The following MPDZ variants were observed in gnomAD, a reference collection of about 807,000 sequenced individuals.
The protein encoded by MPDZ is multiple PDZ domain protein.
MPDZ carries 234 observed loss-of-function variants against 239.1 expected under a neutral mutation model. The observed-to-expected ratio is 0.98, with a 90% CI of 0.88 to 1.09. MPDZ has a LOEUF of 1.09. Ranked by LOEUF, MPDZ falls within the 50% of genes least tolerant of loss-of-function variation. The pLI is 0.00. For missense variants in MPDZ, 3,175 were observed against 2,510.0 expected (o/e 1.26, Z -5.66); for synonymous variants, 1,048 against 881.3 (o/e 1.19, Z -3.35).
At chr9:13,233,423 G>A (rs1394315913) in intron 3 of MPDZ, among the ~76,000 whole-genome samples, 1 of 152,074 alleles carries the variant, frequency 6.6e-6, no homozygotes, top group Non-Finnish European at 1.5e-5. Context: ...AAGCATATAT[G>A]CTCAGACTGT....
At chr9:13,145,578 T>G (rs1212399334) in intron 26 of MPDZ, among the ~76,000 whole-genome samples, 1 of 152,072 alleles carries the variant, frequency 6.6e-6, no homozygotes, top group Non-Finnish European at 1.5e-5. Context: ...GAGACCTAAT[T>G]ATTTCCATAA....
At chr9:13,195,229 A>G (rs898477698) in intron 13 of MPDZ, among the ~76,000 whole-genome samples, 2 of 152,160 alleles carry the variant, frequency 1.3e-5, no homozygotes, top group African/African-American at 4.8e-5. Flanking sequence ...TCAAGGCTGC[A>G]GTGAGCCATG....
chr9:13,192,232 G>T lies in MPDZ; in HGVS notation c.1867C>A (p.Pro623Thr). 6.2e-7 allele frequency: 1 copy of T among 1,607,896 alleles called. No individual in the cohort carries two copies. The highest frequency in any genetic ancestry group is 8.5e-7 in the Non-Finnish European group (1 of 1,176,714). ...QDVVNILKEL[P>T]IEVTMVCCRR... ...CAGCACACCATTGTCACTTCTATAGGCAGTTCTTTTAAGATATTCACCACA... is the reference window on the plus strand; with the variant it reads ...CAGCACACCATTGTCACTTCTATAGTCAGTTCTTTTAAGATATTCACCACA... The change falls in exon 15 of 47, where the codon CCT becomes ACT. Residue 623 changes from proline (P) to threonine (T), a missense_variant. Physicochemically the swap from Pro to Thr is conservative, Grantham distance 38 (BLOSUM62 -1). Transcript: ENST00000319217.
rs1941573818 is a variant in MPDZ at position 13,107,038 on chromosome 9, C to G, written c.6140G>C (p.Gly2047Ala). Residue 2047 changes from glycine to alanine, a missense_variant, in exon 47 of 47, where the codon GGA (glycine) becomes GCA (alanine). Physicochemically the swap from Gly to Ala is moderately conservative, Grantham distance 60. Coordinates refer to ENST00000319217, the MANE Select transcript of MPDZ (RefSeq NM_001378778.1). ...IIAVNGQSLEGVTHEEAVAIL... is the reference protein window; with the variant it reads ...IIAVNGQSLEAVTHEEAVAIL... ...GGCAACAGCTTCTTCATGGGTGACT[C>G]CTTCTAGACTCTGCCCATTGACAGC... 12 of 1,612,048 alleles carry G rather than the reference C, an allele frequency of 7.4e-6. No homozygotes were observed. The East Asian group carries it at 2.7e-4, about 36-fold the overall frequency.
At chr9:13,139,876 T>C (rs531260116) in intron 28 of MPDZ, 111 bp downstream of exon 28, 1 of 1,213,822 alleles carries the variant, frequency 8.2e-7, no homozygotes, top group East Asian at 2.3e-5. Flanking sequence ...AGAATTGCAG[T>C]ATATATCACA....
intron 5 of MPDZ, among the ~76,000 whole-genome samples, chr9:13,222,885 T>C (rs574057867): frequency 1.3e-5 from 2 of 150,712 alleles, no homozygotes; most frequent in Non-Finnish European, 3.0e-5. Flanking sequence ...GGGGATCACA[T>C]CCATAGATTA....
At chr9:13,108,605 T>C (rs1320509477) in intron 46 of MPDZ, among the ~76,000 whole-genome samples, 1 of 152,164 alleles carries the variant, frequency 6.6e-6, no homozygotes, top group Admixed American at 6.5e-5. Context: ...AGCATACTTA[T>C]TTAAAATGTC....
rs869272418 is a variant in MPDZ, at chr9:13,136,325, C to CTTTTTT, written c.4293-149_4293-144dup. 9.6e-3 allele frequency: 1,495 copies of CTTTTTT among 156,420 alleles called. 87 individuals carry two copies. Among genetic ancestry groups the CTTTTTT allele is most frequent in the African/African-American group, 0.022 (360 of 16,160 alleles). The allele number at this position is 156,420 out of a possible 1,614,324, so 9.7% of individuals were successfully genotyped here. A position where few individuals can be genotyped will look rare whatever the true frequency, so the allele number is the denominator to read the frequency against. On this transcript the variant is annotated intron_variant, in intron 30 of 46. Transcript: ENST00000319217. Reference sequence around the variant, plus strand: ...ACACTTACAAATTTACAAACGTTTTCTTTTTTTTTTTTTTTTTTTTTTTTG... The same window carrying CTTTTTT: ...ACACTTACAAATTTACAAACGTTTTCTTTTTTTTTTTTTTTTTTTTTTTTTTTTTTG...
At chr9:13,161,733 C>A (rs956232126) in intron 23 of MPDZ, among the ~76,000 whole-genome samples, 9 of 152,090 alleles carry the variant, frequency 5.9e-5, no homozygotes, top group Non-Finnish European at 1.0e-4. Context: ...GTACATTCTT[C>A]ATGGAAAAGC....
chr9:13,181,101 T>C (rs1231006291), intron 19 of MPDZ, among the ~76,000 whole-genome samples: 1 of 152,182 alleles, frequency 6.6e-6, no homozygotes, highest in Non-Finnish European at 1.5e-5. Flanking sequence ...GTTCATACCC[T>C]GTTGCCATTT....
At chr9:13,115,435 A>G (rs1170170777) in intron 39 of MPDZ, 101 bp from the exon 40 acceptor site, 4 of 961,582 alleles carry the variant, frequency 4.2e-6, no homozygotes, top group Non-Finnish European at 6.4e-6. Context: ...TTTGAAAGGC[A>G]TCTTCCTTTT....
At position 13,121,911 on chromosome 9, in the gene MPDZ, T is replaced by C. The variant is rs758658133; in HGVS notation, c.5059A>G (p.Lys1687Glu). Reference protein sequence around the residue: ...ILEVNGIDLRKATHDEAINVL... With the variant: ...ILEVNGIDLREATHDEAINVL... ...TTGATTGCTTCATCATGTGTGGCCT[T>C]TCTCAAGTCAATTCCATTCACCTGT... Residue 1687 changes from lysine to glutamate, a missense_variant, in exon 38 of 47, where the codon AAG becomes GAG. Lys to Glu is a moderately conservative substitution (Grantham distance 56, BLOSUM62 1). Transcript: ENST00000319217. The C allele has an allele frequency of 8.1e-6, 13 of 1,613,600 alleles. No individual in the cohort carries two copies. In the Middle Eastern group the frequency reaches 6.6e-4, roughly 82 times the overall value.
At chr9:13,114,405 T>C (rs1365094011) in intron 40 of MPDZ, among the ~76,000 whole-genome samples, 4 of 152,120 alleles carry the variant, frequency 2.6e-5, no homozygotes, top group Non-Finnish European at 5.9e-5. Flanking sequence ...AGAAAGTTAG[T>C]ATGGGGTCTT....
At chr9:13,238,850 C>T (rs1235226476) in intron 3 of MPDZ, among the ~76,000 whole-genome samples, 11 of 152,092 alleles carry the variant, frequency 7.2e-5, no homozygotes, top group Admixed American at 7.2e-4. Flanking sequence ...TTAAGCTGCA[C>T]ATTAAATATA....
rs140109824 is a variant in MPDZ at position 13,221,434 on chromosome 9, T to C, written c.814A>G (p.Ile272Val). Residue 272 changes from isoleucine to valine, a missense_variant, in exon 7 of 47, where the codon ATA becomes GTA. Ile to Val is a conservative substitution (Grantham distance 29, BLOSUM62 3). Transcript: ENST00000319217. The part of the protein sequence containing the change: ...NDGSGLGFGI[I>V]GGKATGVIVK... ...ATCACACCAGTTGCTTTTCCTCCTA[T>C]GATGCCAAATCCCAAACCAGATCCA... 8.8e-4 allele frequency: 1,413 copies of C among 1,611,518 alleles called. 11 individuals carry two copies. The African/African-American group carries it at 0.016, about 19-fold the overall frequency.
intron 38 of MPDZ, 117 bp from the exon 39 acceptor site, chr9:13,119,766 T>G: frequency 8.2e-7 from 1 of 1,213,614 alleles, no homozygotes; most frequent in South Asian, 1.3e-5. Context: ...CTTTAAAAGT[T>G]TTGTTATTTG....
At chr9:13,221,676 G>C (rs1254016807) in intron 6 of MPDZ, among the ~76,000 whole-genome samples, 176 bp from the exon 7 acceptor site, 1 of 151,896 alleles carries the variant, frequency 6.6e-6, no homozygotes, top group African/African-American at 2.4e-5. Flanking sequence ...CAGAATGTAA[G>C]TGCCATTGAC....
In MPDZ at chr9:13,140,021, A is replaced by T. The variant is rs1358039039; in HGVS notation, c.3969T>A (p.Asp1323Glu). 1 of 1,613,046 alleles carries T rather than the reference A, an allele frequency of 6.2e-7. No homozygotes were observed. The highest frequency in any genetic ancestry group is 8.5e-7 in the Non-Finnish European group (1 of 1,179,604). The change falls in exon 28 of 47, where the codon GAT becomes GAA. Residue 1323 changes from aspartate to glutamate, a missense_variant. Physicochemically the swap from Asp to Glu is conservative, Grantham distance 45. Coordinates refer to ENST00000319217, the MANE Select transcript of MPDZ (RefSeq NM_001378778.1). ...AACCAAACTCATCCTCTTTGTCCAC[A>T]TCTTGTGAGATTTTGCTTGCAGATG... ...TQSSASKISQDVDKEDEFGYS... is the reference protein window; with the variant it reads ...TQSSASKISQEVDKEDEFGYS...
chr9:13,211,944 A>C (rs1957669955), intron 10 of MPDZ, among the ~76,000 whole-genome samples: 1 of 152,146 alleles, frequency 6.6e-6, no homozygotes, highest in Admixed American at 6.6e-5. Context: ...GACAAAAATT[A>C]ATGTAAAATA....
Sources: allele counts gnomAD v4.1 joint callset (sites outside exome capture counted in the v4.1 genomes callset), GRCh38; gene constraint gnomAD v4.1.1; transcripts MANE v1.5; gene names NCBI Gene and HGNC (gene_info 2026-07-23, HGNC 2026-07-21).